Variants in RBM17 observed in about 807,000 individuals in gnomAD.
The protein encoded by RBM17 is splicing factor 45.
RBM17 carries 7 observed loss-of-function variants against 53.2 expected under a neutral mutation model. The observed-to-expected ratio is 0.13, with a 90% CI of 0.07 to 0.25. RBM17 has a LOEUF of 0.25. Among genes scored for constraint, RBM17 ranks in the 10% least tolerant of loss-of-function variants. RBM17 has a pLI of 1.00. For missense variants in RBM17, 257 were observed against 496.7 expected, an observed-to-expected ratio of 0.52 and a Z score of 4.59; for synonymous variants, 167 against 178.1, an observed-to-expected ratio of 0.94 and a Z score of 0.50.
rs1173516153 is a variant in RBM17, at chr10:6,115,533, T to C, written c.1183T>C (p.Leu395=). 4.3e-6 allele frequency: 7 copies of C among 1,612,032 alleles called. No homozygotes were observed. Among genetic ancestry groups the C allele is most frequent in the Non-Finnish European group, 5.1e-6 (6 of 1,178,330 alleles). Residue 395 remains leucine, a synonymous_variant, in exon 12 of 12, where the codon TTG becomes CTG. Coordinates refer to ENST00000379888, the MANE Select transcript of RBM17 (RefSeq NM_032905.5). ...CTACAATTTGGACAAATTCAGGGTC[T>C]TGGATTTGGCAGAACAAGTTTGATT... The part of the protein sequence containing the change: ...CFYNLDKFRV[L]DLAEQV
intron 2 of RBM17, among the ~76,000 whole-genome samples, chr10:6,099,815 T>C (rs1343431424): frequency 6.6e-6 from 1 of 152,212 alleles, no homozygotes; most frequent in South Asian, 2.1e-4. Context: ...CCCAGCACTT[T>C]GGGAGGCCAA....
At position 6,089,372 on chromosome 10, in the gene RBM17, C is replaced by G. The variant is rs1588339738; in HGVS notation, c.-19+179C>G. 1 of 152,404 alleles carries G rather than the reference C, an allele frequency of 6.6e-6. No homozygotes were observed. Among genetic ancestry groups the G allele is most frequent in the African/African-American group, 2.4e-5 (1 of 41,430 alleles). The allele number at this position is 152,404 out of a possible 1,614,324, so 9.4% of individuals were successfully genotyped here. A position where few individuals can be genotyped will look rare whatever the true frequency, so the allele number is the denominator to read the frequency against. ...GTCCCCGCGGCGGGCGCTGGTCTCT[C>G]CACGCGGCTGCGGCCCGGTACCCTC... is the stretch of plus-strand genomic sequence containing the variant. On this transcript the variant is annotated intron_variant, in intron 1 of 11. Coordinates refer to ENST00000379888, the MANE Select transcript of RBM17 (RefSeq NM_032905.5). The surrounding 1 kb of genome is among the most constrained non-coding windows in gnomAD (Gnocchi z 5.6).
chr10:6,116,141 A>T lies in RBM17; in HGVS notation c.*585A>T, dbSNP rs1159072867. On this transcript the variant is annotated 3_prime_UTR_variant, in exon 12 of 12. Transcript: ENST00000379888. Reference sequence around the variant, plus strand: ...TTGTGAACATACCATGGCCTATTGGATGAATCATTTGCCGTAGGCTAAATC... The same window carrying T: ...TTGTGAACATACCATGGCCTATTGGTTGAATCATTTGCCGTAGGCTAAATC... 1 of 152,380 alleles carries T rather than the reference A, an allele frequency of 6.6e-6. No individual in the cohort carries two copies. Among genetic ancestry groups the T allele is most frequent in the Non-Finnish European group, 1.5e-5 (1 of 68,070 alleles). 9.4% of individuals were successfully genotyped at this position (152,380 alleles called of 1,614,324 possible).
chr10:6,099,663 ATTG>A (rs1312061023), intron 2 of RBM17, among the ~76,000 whole-genome samples: 1 of 152,004 alleles, frequency 6.6e-6, no homozygotes, highest in Non-Finnish European at 1.5e-5. Flanking sequence ...TTTTTGTTGT[ATTG>A]TTTTATTTTC....
At chr10:6,099,212 G>A (rs1237538374) in intron 2 of RBM17, among the ~76,000 whole-genome samples, 1 of 151,930 alleles carries the variant, frequency 6.6e-6, no homozygotes, top group Non-Finnish European at 1.5e-5. Context: ...ACTTGAGGTA[G>A]CTTGTGAAGT....
At chr10:6,099,085 T>G (rs1410316724) in intron 2 of RBM17, among the ~76,000 whole-genome samples, 1 of 152,006 alleles carries the variant, frequency 6.6e-6, no homozygotes, top group African/African-American at 2.4e-5. Context: ...CTCGTTTTTC[T>G]CTTTAATTTT....
rs530331171 is a variant in RBM17 at position 6,098,208 on chromosome 10, GAATATTGGTCTTTTTGGGGGTGAAAA to G, written c.123+1023_123+1048del. Among the ~76,000 whole-genome samples, 858 of 152,240 alleles carry G rather than the reference GAATATTGGTCTTTTTGGGGGTGAAAA, an allele frequency of 5.6e-3. 2 individuals carry two copies. Among genetic ancestry groups the G allele is most frequent in the Middle Eastern group, 0.01 (3 of 294 alleles). ...GAGGCTATATCCCCCCAAACAGAGC[GAATATTGGTCTTTTTGGGGGTGAAAA>G]AACCTTGCTCGTGTTGTGCACAGTG... On this transcript the variant is annotated intron_variant, in intron 2 of 11. Transcript: ENST00000379888.
At position 6,115,250 on chromosome 10, in the gene RBM17, C is replaced by G. The variant is rs773251313; in HGVS notation, c.1041C>G (p.Ala347=). ...GKCVIFEIPG[A]PDDEAVRIFL... is the part of the protein sequence containing the mutation. ...TCATTTTCTTCCAGATTCCTGGTGCCCCTGATGATGAAGCAGTACGGATAT... is the reference window on the plus strand; with the variant it reads ...TCATTTTCTTCCAGATTCCTGGTGCGCCTGATGATGAAGCAGTACGGATAT... Residue 347 remains alanine (A), a synonymous_variant, in exon 11 of 12, where the codon GCC becomes GCG. Transcript: ENST00000379888. The G allele has an allele frequency of 1.2e-6, 2 of 1,612,922 alleles. No homozygotes were observed. The highest frequency in any genetic ancestry group is 2.2e-5 in the South Asian group (2 of 90,760).
At chr10:6,092,892 C>T (rs1405723968) in intron 1 of RBM17, among the ~76,000 whole-genome samples, 1 of 152,178 alleles carries the variant, frequency 6.6e-6, no homozygotes, top group Non-Finnish European at 1.5e-5. Context: ...GATTTGCTGC[C>T]TGATGATTTC....
Position 6,113,459 on chromosome 10 carries a change from G to A in RBM17, c.857-49G>A. 3.2e-6 allele frequency: 4 copies of A among 1,245,570 alleles called. No individual in the cohort carries two copies. In the South Asian group the frequency reaches 4.9e-5, roughly 15 times the overall value. 77.2% of individuals were successfully genotyped at this position (1,245,570 alleles called of 1,614,324 possible). On this transcript the variant is annotated intron_variant, in intron 8 of 11. Transcript: ENST00000379888. ...GACTCAGTTCTGTAACACATCTAATGATATGCTGCTCAGTTCTGTAACACA... is the reference window on the plus strand; with the variant it reads ...GACTCAGTTCTGTAACACATCTAATAATATGCTGCTCAGTTCTGTAACACA...
chr10:6,091,278 C>T (rs1242034234), intron 1 of RBM17, among the ~76,000 whole-genome samples: 9 of 151,986 alleles, frequency 5.9e-5, no homozygotes, highest in African/African-American at 2.2e-4. Flanking sequence ...AGGCTGGTCT[C>T]GAACTCCTGA....
chr10:6,109,299 G>A (rs34410111), intron 6 of RBM17, among the ~76,000 whole-genome samples: 27,104 of 152,082 alleles, frequency 0.18, 3,083 homozygotes, highest in Non-Finnish European at 0.26. Flanking sequence ...CTCTGGATTG[G>A]ACCATACTTA....
chr10:6,113,918 G>A, intron 9 of RBM17, 131 bp from the exon 10 acceptor site: 3 of 640,374 alleles, frequency 4.7e-6, no homozygotes, highest in Non-Finnish European at 8.2e-6. Flanking sequence ...TGGGTACTTT[G>A]GGGATGAAAT....
chr10:6,106,776 GT>G lies in RBM17; in HGVS notation c.505+547del, dbSNP rs774956122. ...CATGCTTTCCATACTAAGGACATTT[GT>G]TTTTTTTTCTTAAACACCAGCAGGA... On this transcript the variant is annotated intron_variant, in intron 5 of 11. Coordinates refer to ENST00000379888, the MANE Select transcript of RBM17 (RefSeq NM_032905.5). 5.2e-3 allele frequency among the ~76,000 whole-genome samples: 783 copies of G among 150,980 alleles called. 5 individuals carry two copies. The highest frequency in any genetic ancestry group is 5.7e-3 in the Non-Finnish European group (388 of 67,636).
In RBM17 at chr10:6,089,370, C is replaced by T. The variant is rs1345680362; in HGVS notation, c.-19+177C>T. The T allele has an allele frequency of 6.6e-6, 1 of 152,400 alleles. No homozygotes were observed. The highest frequency in any genetic ancestry group is 2.4e-5 in the African/African-American group (1 of 41,446). 9.4% of individuals were successfully genotyped at this position (152,400 alleles called of 1,614,324 possible). ...CAGTCCCCGCGGCGGGCGCTGGTCTCTCCACGCGGCTGCGGCCCGGTACCC... is the reference window on the plus strand; with the variant it reads ...CAGTCCCCGCGGCGGGCGCTGGTCTTTCCACGCGGCTGCGGCCCGGTACCC... On this transcript the variant is annotated intron_variant, in intron 1 of 11. Coordinates refer to ENST00000379888, the MANE Select transcript of RBM17 (RefSeq NM_032905.5). The surrounding 1 kb of genome is among the most constrained non-coding windows in gnomAD (Gnocchi z 5.6).
intron 2 of RBM17, among the ~76,000 whole-genome samples, chr10:6,098,874 T>C (rs1210604403): frequency 6.6e-6 from 1 of 151,194 alleles, no homozygotes; most frequent in African/African-American, 2.4e-5. Context: ...TTCTTAAAAG[T>C]TCTACTCATT....
Position 6,107,479 on chromosome 10 carries a change from C to CTTTTTTTTTTTTTTT in RBM17, c.506-1200_506-1186dup, listed in dbSNP as rs71390124. On this transcript the variant is annotated intron_variant, in intron 5 of 11. Transcript: ENST00000379888. ...AGGTATGAGCCACTGCACCCGGCCT[C>CTTTTTTTTTTTTTTT]TTTTTTTTTTTTTTTTTTTTTGGAG... Among the ~76,000 whole-genome samples the CTTTTTTTTTTTTTTT allele has an allele frequency of 2.0e-3, 113 of 56,590 alleles. 19 individuals are homozygous for CTTTTTTTTTTTTTTT. The highest frequency in any genetic ancestry group is 2.8e-3 in the African/African-American group (42 of 15,056). The allele number at this position is 56,590 out of a possible 152,430, so 37.1% of individuals were successfully genotyped here. A position where few individuals can be genotyped will look rare whatever the true frequency, so the allele number is the denominator to read the frequency against.
At chr10:6,104,608 A>G (rs1013392297) in intron 3 of RBM17, among the ~76,000 whole-genome samples, 3 of 152,216 alleles carry the variant, frequency 2.0e-5, no homozygotes, top group Non-Finnish European at 2.9e-5. Context: ...GTGCTTTACT[A>G]TAAGTATTCT....
In RBM17 at chr10:6,107,479, C is replaced by CTTTTTTTTTTTTTTTT. The variant is rs71390124; in HGVS notation, c.506-1201_506-1186dup. Among the ~76,000 whole-genome samples, 86 of 56,598 alleles carry CTTTTTTTTTTTTTTTT rather than the reference C, an allele frequency of 1.5e-3. 14 individuals carry two copies. Among genetic ancestry groups the CTTTTTTTTTTTTTTTT allele is most frequent in the African/African-American group, 2.2e-3 (33 of 15,064 alleles). 37.1% of individuals were successfully genotyped at this position (56,598 alleles called of 152,430 possible). On this transcript the variant is annotated intron_variant, in intron 5 of 11. Transcript: ENST00000379888. Reference sequence around the variant, plus strand: ...AGGTATGAGCCACTGCACCCGGCCTCTTTTTTTTTTTTTTTTTTTTTGGAG... The same window carrying CTTTTTTTTTTTTTTTT: ...AGGTATGAGCCACTGCACCCGGCCTCTTTTTTTTTTTTTTTTTTTTTTTTTTTTTTTTTTTTTGGAG...
Sources: allele counts gnomAD v4.1 joint callset (sites outside exome capture counted in the v4.1 genomes callset), GRCh38; gene constraint gnomAD v4.1.1; non-coding constraint Gnocchi (gnomAD v3.1); transcripts MANE v1.5; gene names NCBI Gene and HGNC (gene_info 2026-07-23, HGNC 2026-07-21).